The following GPATCH2 variants were observed in gnomAD, a reference collection of about 807,000 sequenced individuals.
The protein encoded by GPATCH2 is G-patch domain containing 2.
In GPATCH2, 51 loss-of-function variants were observed where a neutral mutation model predicts 58.0. The ratio of observed to expected loss-of-function variants is 0.88; its 90% CI spans 0.70 to 1.11. GPATCH2 has a LOEUF of 1.11. GPATCH2 is among the 50% of genes most tolerant of loss of function. The pLI, the probability that GPATCH2 is intolerant of heterozygous loss-of-function variation, is 0.00. For missense variants in GPATCH2, 625 were observed against 652.2 expected (o/e 0.96, Z 0.45); for synonymous variants, 222 against 218.5 (o/e 1.02, Z -0.14).
At chr1:217,524,691 T>C (rs1364525530) in intron 5 of GPATCH2, among the ~76,000 whole-genome samples, 1 of 150,986 alleles carries the variant, frequency 6.6e-6, no homozygotes, top group Non-Finnish European at 1.5e-5. Context: ...AAACCCCGTC[T>C]CCACCCAAAA....
Position 217,629,540 on chromosome 1 carries a change from T to C in GPATCH2, c.56+1376A>G, listed in dbSNP as rs538732448. 1.1e-4 allele frequency among the ~76,000 whole-genome samples: 16 copies of C among 152,272 alleles called. 1 individual carries two copies. The South Asian group carries it at 3.3e-3, about 32-fold the overall frequency. The stretch of plus-strand genomic sequence containing the variant: ...CCTAGGAAGAGCAGACCAATCTACA[T>C]AGGACATTTTGTCTCCCTGACTTAA... On this transcript the variant is annotated intron_variant, in intron 1 of 9. Transcript: ENST00000366935.
chr1:217,549,862 T>A (rs1440941811), intron 5 of GPATCH2, among the ~76,000 whole-genome samples: 1 of 152,176 alleles, frequency 6.6e-6, no homozygotes, highest in African/African-American at 2.4e-5. Flanking sequence ...TTCAGTGAAT[T>A]TAGGTTCACA....
At chr1:217,568,256 T>C (rs1252528358) in intron 5 of GPATCH2, among the ~76,000 whole-genome samples, 2 of 152,254 alleles carry the variant, frequency 1.3e-5, no homozygotes, top group Admixed American at 1.3e-4. Flanking sequence ...TATTAATATA[T>C]ACTTATATAT....
At chr1:217,488,718 G>A (rs1261229039) in intron 8 of GPATCH2, among the ~76,000 whole-genome samples, 2 of 151,536 alleles carry the variant, frequency 1.3e-5, no homozygotes, top group African/African-American at 2.4e-5. Context: ...TTGAGACAGG[G>A]TCTTACTGTG....
Position 217,620,180 on chromosome 1 carries a change from G to A in GPATCH2, c.376C>T (p.Arg126Cys), listed in dbSNP as rs867427900. Residue 126 changes from arginine (R) to cysteine (C), a missense_variant, in exon 2 of 10, where the codon CGC becomes TGC. Arg to Cys is a radical substitution (Grantham distance 180). Coordinates refer to ENST00000366935, the MANE Select transcript of GPATCH2 (RefSeq NM_018040.5). ...DSDDQMLVAK[R>C]RPSSNLNNNV... is the part of the protein sequence containing the mutation. ...TTATTTAAGTTTGATGACGGCCTGC[G>A]CTTTGCTACTAACATTTGGTCATCA... The A allele has an allele frequency of 3.7e-6, 6 of 1,613,808 alleles. No homozygotes were observed. Among genetic ancestry groups the A allele is most frequent in the South Asian group, 1.1e-5 (1 of 91,084 alleles).
intron 6 of GPATCH2, among the ~76,000 whole-genome samples, chr1:217,511,660 T>C (rs1238545202): frequency 6.6e-6 from 1 of 152,180 alleles, no homozygotes; most frequent in African/African-American, 2.4e-5. Flanking sequence ...GCCATATACC[T>C]TCTTCTGTTA....
chr1:217,574,953 T>C (rs1176165352), intron 5 of GPATCH2, among the ~76,000 whole-genome samples: 2 of 152,248 alleles, frequency 1.3e-5, no homozygotes, highest in Non-Finnish European at 2.9e-5. Context: ...GATCATTTTT[T>C]CACTTTTAAT....
chr1:217,618,342 T>C (rs546561583), intron 2 of GPATCH2, among the ~76,000 whole-genome samples: 72 of 151,496 alleles, frequency 4.8e-4, no homozygotes, highest in Non-Finnish European at 9.7e-4. Context: ...CCTGAGTAGC[T>C]GGGACTCGGC....
chr1:217,434,632 A>T (rs1362797099), intron 9 of GPATCH2, among the ~76,000 whole-genome samples: 1 of 152,216 alleles, frequency 6.6e-6, no homozygotes. Flanking sequence ...AGCTTGCAAA[A>T]GTTCAGAATT....
chr1:217,629,728 G>A (rs1387408273), intron 1 of GPATCH2, among the ~76,000 whole-genome samples: 5 of 152,128 alleles, frequency 3.3e-5, no homozygotes, highest in Non-Finnish European at 5.9e-5. Flanking sequence ...TTCATTCTAT[G>A]CTAGTTATAC....
At chr1:217,624,773 C>A (rs1442229893) in intron 1 of GPATCH2, among the ~76,000 whole-genome samples, 1 of 152,134 alleles carries the variant, frequency 6.6e-6, no homozygotes, top group Non-Finnish European at 1.5e-5. Flanking sequence ...AGTGAATGTA[C>A]CACTTAACTA....
chr1:217,523,765 C>A (rs1352830945), intron 5 of GPATCH2, among the ~76,000 whole-genome samples: 3 of 148,394 alleles, frequency 2.0e-5, no homozygotes, highest in African/African-American at 7.6e-5. Flanking sequence ...CAGAGGCGCC[C>A]CTCACCTCCC....
chr1:217,480,326 G>A (rs1230116767), intron 8 of GPATCH2, among the ~76,000 whole-genome samples: 1 of 152,054 alleles, frequency 6.6e-6, no homozygotes, highest in Non-Finnish European at 1.5e-5. Flanking sequence ...TTACAAAATG[G>A]GCAAAAGATT....
rs192118196 is a variant in GPATCH2 at position 217,614,031 on chromosome 1, T to C, written c.835+110A>G. ...CTAAATCCTAGTTCACTAAGTAATA[T>C]GTGTAAGGTAAATGGATTGCAGTCA... On this transcript the variant is annotated intron_variant, in intron 3 of 9. Transcript: ENST00000366935. 4.5e-6 allele frequency: 3 copies of C among 667,150 alleles called. No individual in the cohort carries two copies. In the African/African-American group the frequency reaches 5.4e-5, roughly 12 times the overall value. The allele number at this position is 667,150 out of a possible 1,614,324, so 41.3% of individuals were successfully genotyped here.
At chr1:217,623,062 C>T (rs1312477465) in intron 1 of GPATCH2, among the ~76,000 whole-genome samples, 4 of 151,984 alleles carry the variant, frequency 2.6e-5, no homozygotes, top group Non-Finnish European at 5.9e-5. Flanking sequence ...GAAATATAGT[C>T]TGAAAGACCT....
chr1:217,552,904 G>A (rs995865497), intron 5 of GPATCH2, among the ~76,000 whole-genome samples: 14 of 152,202 alleles, frequency 9.2e-5, no homozygotes, highest in African/African-American at 3.1e-4. Flanking sequence ...CCTGCATTTT[G>A]GAGAGATGAA....
intron 8 of GPATCH2, among the ~76,000 whole-genome samples, chr1:217,474,721 C>G (rs1281947601): frequency 6.6e-6 from 1 of 152,122 alleles, no homozygotes; most frequent in Non-Finnish European, 1.5e-5. Flanking sequence ...ACCATCTATG[C>G]ATTTATCTTT....
chr1:217,555,396 T>C (rs1234202978), intron 5 of GPATCH2, among the ~76,000 whole-genome samples: 1 of 152,178 alleles, frequency 6.6e-6, no homozygotes, highest in African/African-American at 2.4e-5. Context: ...TACACACTAT[T>C]GTAGCTTTCT....
intron 5 of GPATCH2, among the ~76,000 whole-genome samples, chr1:217,550,605 T>C (rs958114153): frequency 2.0e-5 from 3 of 152,010 alleles, no homozygotes; most frequent in African/African-American, 7.2e-5. Context: ...AAAAAAGACA[T>C]AGCTAATATC....
Sources: gnomAD v4.1 joint callset for allele counts (sites outside exome capture counted in the v4.1 genomes callset) on GRCh38, gnomAD v4.1.1 for gene constraint, MANE v1.5 for transcripts, NCBI Gene and HGNC (gene_info 2026-07-23, HGNC 2026-07-21) for gene names.